MAST4: variants seen among roughly 807,000 people sequenced by gnomAD.
MAST4 encodes microtubule associated serine/threonine kinase family member 4.
In MAST4, 89 loss-of-function variants were observed where a neutral mutation model predicts 162.7. The observed-to-expected ratio is 0.55, with a 90% CI of 0.46 to 0.65. The LOEUF is 0.65. Among genes scored for constraint, MAST4 ranks in the 30% least tolerant of loss-of-function variants. MAST4 has a pLI of 0.00. For missense variants in MAST4, 3,153 were observed against 3,374.0 expected, an observed-to-expected ratio of 0.93 and a Z score of 1.62; for synonymous variants, 1,479 against 1,361.1, an observed-to-expected ratio of 1.09 and a Z score of -1.91.
chr5:67,095,400 T>C (rs1483030416), intron 6 of MAST4, among the ~76,000 whole-genome samples, 197 bp from the exon 7 acceptor site: 4 of 152,190 alleles, frequency 2.6e-5, no homozygotes, highest in Admixed American at 2.0e-4. Context: ...TTTCTACTTG[T>C]TTGGTTGTAT....
intron 5 of MAST4, among the ~76,000 whole-genome samples, chr5:67,078,830 T>C (rs1220929965): frequency 9.1e-6 from 1 of 110,262 alleles, no homozygotes; most frequent in African/African-American, 4.2e-5. Context: ...ATATTTATAT[T>C]TATATATTTA....
At chr5:66,819,159 A>C (rs1756871915) in intron 3 of MAST4, among the ~76,000 whole-genome samples, 1 of 152,210 alleles carries the variant, frequency 6.6e-6, no homozygotes, top group Non-Finnish European at 1.5e-5. Context: ...AGTGGATGAC[A>C]TGTTAGTGCA....
intron 1 of MAST4, among the ~76,000 whole-genome samples, chr5:66,670,710 A>T (rs1747551981): frequency 6.6e-6 from 1 of 151,872 alleles, no homozygotes; most frequent in Admixed American, 6.6e-5. Context: ...TCCCAAGAAG[A>T]TGAAGGGCTG....
chr5:66,664,969 G>A (rs1454213979), intron 1 of MAST4, among the ~76,000 whole-genome samples: 2 of 152,148 alleles, frequency 1.3e-5, no homozygotes, highest in Non-Finnish European at 2.9e-5. Context: ...GCACAGATAA[G>A]AGCTGAAGAG....
At chr5:66,880,158 A>C (rs1364392234) in intron 3 of MAST4, among the ~76,000 whole-genome samples, 5 of 152,232 alleles carry the variant, frequency 3.3e-5, no homozygotes, top group Non-Finnish European at 2.9e-5. Flanking sequence ...CAGAGGGAAA[A>C]GTCAAAGGGC....
intron 5 of MAST4, among the ~76,000 whole-genome samples, chr5:67,081,067 A>T (rs1762585588): frequency 2.6e-5 from 2 of 76,278 alleles, no homozygotes; most frequent in African/African-American, 1.0e-4. Flanking sequence ...ATATAATATA[A>T]TATATAATTG....
chr5:66,763,119 C>T (rs1038652524), intron 2 of MAST4, among the ~76,000 whole-genome samples: 1 of 152,192 alleles, frequency 6.6e-6, no homozygotes, highest in Non-Finnish European at 1.5e-5. Context: ...AGGTCACAGT[C>T]CTCACAACAG....
At chr5:66,926,596 G>A (rs1412668289) in intron 4 of MAST4, among the ~76,000 whole-genome samples, 1 of 150,796 alleles carries the variant, frequency 6.6e-6, no homozygotes, top group Non-Finnish European at 1.5e-5. Flanking sequence ...ACACATATAT[G>A]TATATATGTA....
chr5:67,164,902 G>C lies in MAST4; in HGVS notation c.5723G>C (p.Arg1908Thr). 1 of 1,613,996 alleles carries C rather than the reference G, an allele frequency of 6.2e-7. No individual in the cohort carries two copies. Among genetic ancestry groups the C allele is most frequent in the Non-Finnish European group, 8.5e-7 (1 of 1,179,894 alleles). ...AGGAAAGGTCCCCATCCTACTGCCA[G>C]GAGCCCTGGAACAGTCATGGAAAGC... ...RDRKGPHPTA[R>T]SPGTVMESNP... The change falls in exon 29 of 29, where the codon AGG becomes ACG. Residue 1908 changes from arginine to threonine, a missense_variant. Physicochemically the swap from Arg to Thr is moderately conservative, Grantham distance 71. Transcript: ENST00000403625. The surrounding 1 kb of genome is among the most constrained non-coding windows in gnomAD (Gnocchi z 5.3).
intron 14 of MAST4, among the ~76,000 whole-genome samples, chr5:67,124,631 G>T (rs1331965231): frequency 4.6e-5 from 7 of 152,188 alleles, no homozygotes; most frequent in African/African-American, 1.7e-4. Flanking sequence ...TAGGAAGCCT[G>T]TTTGACCTTT....
At chr5:66,964,063 T>C (rs1327451101) in intron 4 of MAST4, 1 of 606,336 alleles carries the variant, frequency 1.6e-6, no homozygotes, top group African/African-American at 1.8e-5. Flanking sequence ...CTGAATTCTG[T>C]AAGTTTTGAT....
At chr5:66,925,719 T>C (rs1764844756) in intron 4 of MAST4, among the ~76,000 whole-genome samples, 1 of 152,202 alleles carries the variant, frequency 6.6e-6, no homozygotes, top group Non-Finnish European at 1.5e-5. Context: ...GTGCCTAGCA[T>C]GTAACAGGTG....
chr5:66,787,871 C>G (rs1288014204), intron 2 of MAST4, among the ~76,000 whole-genome samples: 7 of 152,176 alleles, frequency 4.6e-5, no homozygotes, highest in Admixed American at 3.3e-4. Context: ...AAATTAAACA[C>G]AGTCTCTACT....
chr5:66,924,671 G>A (rs1764768052), intron 4 of MAST4, among the ~76,000 whole-genome samples: 1 of 152,160 alleles, frequency 6.6e-6, no homozygotes, highest in African/African-American at 2.4e-5. Flanking sequence ...GGGATTACAG[G>A]TGTGAGCCAC....
At chr5:67,054,246 G>A (rs1758531358) in intron 4 of MAST4, among the ~76,000 whole-genome samples, 158 bp from the exon 5 acceptor site, 1 of 152,180 alleles carries the variant, frequency 6.6e-6, no homozygotes. Context: ...TCAAGAGGTA[G>A]CCACCCCTCA....
chr5:67,088,270 G>T (rs1763471720), intron 5 of MAST4, among the ~76,000 whole-genome samples: 1 of 152,172 alleles, frequency 6.6e-6, no homozygotes, highest in Non-Finnish European at 1.5e-5. Flanking sequence ...TAAGAATTCG[G>T]TGCCAGGTTT....
Position 67,110,193 on chromosome 5 carries a change from G to GTGCC in MAST4, c.1455_1458dup (p.Glu487ProfsTer4). On this transcript the variant is annotated frameshift_variant, in exon 11 of 29. Coordinates refer to ENST00000403625, the MANE Select transcript of MAST4 (RefSeq NM_001164664.2). LOFTEE classifies it high-confidence loss of function. Reference sequence around the variant, plus strand: ...TTGCCCGCCCTGCTCGGTTATTAGAGTGCCTGGTAAGTTGCCCCTTGATGT... The same window carrying GTGCC: ...TTGCCCGCCCTGCTCGGTTATTAGAGTGCCTGCCTGGTAAGTTGCCCCTTGATGT... 1 of 1,612,042 alleles carries GTGCC rather than the reference G, an allele frequency of 6.2e-7. No individual in the cohort carries two copies. The highest frequency in any genetic ancestry group is 8.5e-7 in the Non-Finnish European group (1 of 1,178,166).
At chr5:67,059,224 T>C (rs152631) in intron 5 of MAST4, among the ~76,000 whole-genome samples, 67,973 of 152,064 alleles carry the variant, frequency 0.45, 16,022 homozygotes, top group African/African-American at 0.58. Flanking sequence ...AGCAGGGGCA[T>C]ATCCGGTCAT....
chr5:66,779,760 G>A (rs546821763), intron 2 of MAST4, among the ~76,000 whole-genome samples: 1 of 152,326 alleles, frequency 6.6e-6, no homozygotes, highest in South Asian at 2.1e-4. Flanking sequence ...ATCACTTGAT[G>A]GTGACGGAAT....
Sources: gnomAD v4.1 joint callset for allele counts (sites outside exome capture counted in the v4.1 genomes callset) on GRCh38, gnomAD v4.1.1 for gene constraint, Gnocchi (gnomAD v3.1) non-coding constraint, MANE v1.5 for transcripts, NCBI Gene and HGNC (gene_info 2026-07-23, HGNC 2026-07-21) for gene names.